CHMP4B: variants seen among roughly 807,000 people sequenced by gnomAD.
The protein encoded by CHMP4B is charged multivesicular body protein 4B.
In CHMP4B, 1 loss-of-function variant was observed where a neutral mutation model predicts 25.1. The ratio of observed to expected loss-of-function variants is 0.04; its 90% CI spans 0.01 to 0.19. The LOEUF is 0.19. Among genes scored for constraint, CHMP4B ranks in the 10% least tolerant of loss-of-function variants. The pLI is 1.00. For missense variants in CHMP4B, 151 were observed against 289.7 expected (o/e 0.52, Z 3.48); for synonymous variants, 101 against 115.6 (o/e 0.87, Z 0.81).
chr20:33,834,064 C>T (rs1488249816), intron 1 of CHMP4B, among the ~76,000 whole-genome samples: 1 of 152,100 alleles, frequency 6.6e-6, no homozygotes, highest in East Asian at 1.9e-4. Context: ...CATAATATCC[C>T]CTTTTTATCC....
intron 4 of CHMP4B, among the ~76,000 whole-genome samples, chr20:33,852,445 A>G (rs1979881196): frequency 1.6e-5 from 2 of 126,844 alleles, no homozygotes; most frequent in South Asian, 2.7e-4. Context: ...CGCTGTGGAC[A>G]TGGCCAGATA....
chr20:33,822,337 G>T (rs546888350), intron 1 of CHMP4B, among the ~76,000 whole-genome samples: 16 of 152,096 alleles, frequency 1.1e-4, no homozygotes, highest in African/African-American at 3.9e-4. Context: ...AGAGATGGGG[G>T]TTTCACCATG....
chr20:33,824,967 C>T (rs1311753394), intron 1 of CHMP4B, among the ~76,000 whole-genome samples: 6 of 152,154 alleles, frequency 3.9e-5, no homozygotes, highest in African/African-American at 7.2e-5. Context: ...AAGAGCAGGG[C>T]TGGGTGGAGC....
intron 1 of CHMP4B, among the ~76,000 whole-genome samples, chr20:33,812,173 G>T (rs78737593): frequency 0.028 from 4,309 of 152,250 alleles, 207 homozygotes; most frequent in African/African-American, 0.099. Flanking sequence ...GAGAGAAAAG[G>T]GGACTGGGGG....
chr20:33,853,696 C>G lies in CHMP4B; in HGVS notation c.*136C>G, dbSNP rs1043987582. Reference sequence around the variant, plus strand: ...CGACTCTCACTCCAAAGCAGTAGGGCCGCGTTGCTGCTCACTCTCTGCATA... The same window carrying G: ...CGACTCTCACTCCAAAGCAGTAGGGGCGCGTTGCTGCTCACTCTCTGCATA... On this transcript the variant is annotated 3_prime_UTR_variant, in exon 5 of 5. Transcript: ENST00000217402. 1 of 617,604 alleles carries G rather than the reference C, an allele frequency of 1.6e-6. No homozygotes were observed. The highest frequency in any genetic ancestry group is 2.0e-5 in the African/African-American group (1 of 50,760). 38.3% of individuals were successfully genotyped at this position (617,604 alleles called of 1,614,324 possible). A position where few individuals can be genotyped will look rare whatever the true frequency, so the allele number is the denominator to read the frequency against.
chr20:33,833,131 C>A (rs532638404), intron 1 of CHMP4B, among the ~76,000 whole-genome samples: 10 of 152,124 alleles, frequency 6.6e-5, no homozygotes, highest in Non-Finnish European at 1.2e-4. Context: ...CCCTGAACTC[C>A]ATCTTCCTCA....
At chr20:33,829,683 G>A (rs968858569) in intron 1 of CHMP4B, among the ~76,000 whole-genome samples, 10 of 152,188 alleles carry the variant, frequency 6.6e-5, no homozygotes, top group African/African-American at 1.7e-4. Context: ...ATATATGCAC[G>A]TACAGCTCTG....
chr20:33,850,432 C>T (rs1267586551), intron 2 of CHMP4B, among the ~76,000 whole-genome samples: 1 of 152,120 alleles, frequency 6.6e-6, no homozygotes, highest in East Asian at 1.9e-4. Context: ...TGTATGTTGG[C>T]TTGAGTAAAT....
intron 1 of CHMP4B, among the ~76,000 whole-genome samples, chr20:33,836,634 G>A (rs949924337): frequency 2.6e-5 from 4 of 152,048 alleles, no homozygotes; most frequent in African/African-American, 9.7e-5. Flanking sequence ...AGGACCCTCC[G>A]TGGCTCTCCA....
At chr20:33,839,501 TC>T (rs959403400) in intron 1 of CHMP4B, among the ~76,000 whole-genome samples, 1 of 152,254 alleles carries the variant, frequency 6.6e-6, no homozygotes, top group African/African-American at 2.4e-5. Context: ...TGGATTTTTA[TC>T]CCATGTGTTT....
intron 1 of CHMP4B, among the ~76,000 whole-genome samples, chr20:33,841,655 G>A (rs1307225496): frequency 1.3e-5 from 2 of 152,166 alleles, no homozygotes; most frequent in South Asian, 2.1e-4. Context: ...TGAAACTGCA[G>A]GTGTATCAAC....
chr20:33,846,592 G>T (rs1026799181), intron 1 of CHMP4B, among the ~76,000 whole-genome samples: 1 of 152,248 alleles, frequency 6.6e-6, no homozygotes, highest in African/African-American at 2.4e-5. Flanking sequence ...GAGGAGCTGT[G>T]TGCTATACGC....
chr20:33,829,851 T>A (rs1249604301), intron 1 of CHMP4B, among the ~76,000 whole-genome samples: 1 of 152,130 alleles, frequency 6.6e-6, no homozygotes, highest in Non-Finnish European at 1.5e-5. Context: ...GAACCACATC[T>A]TGGTACATGT....
In CHMP4B at chr20:33,811,499, G is replaced by A; in HGVS notation, c.31G>A (p.Gly11Arg). Residue 11 changes from glycine to arginine, a missense_variant, in exon 1 of 5, where the codon GGA becomes AGA. Gly to Arg is a moderately radical substitution (Grantham distance 125). Transcript: ENST00000217402. The part of the protein sequence containing the change: MSVFGKLFGA[G>R]GGKAGKGGPT... ...GGTGTTCGGGAAGCTGTTCGGGGCT[G>A]GAGGGGGTAAGGCCGGCAAGGGCGG... The A allele has an allele frequency of 6.3e-7, 1 of 1,593,324 alleles. No homozygotes were observed. Among genetic ancestry groups the A allele is most frequent in the Non-Finnish European group, 8.5e-7 (1 of 1,169,696 alleles).
intron 1 of CHMP4B, among the ~76,000 whole-genome samples, chr20:33,825,892 T>G (rs1326506057): frequency 6.6e-6 from 1 of 152,182 alleles, no homozygotes; most frequent in Admixed American, 6.5e-5. Context: ...CCTTCCAGGT[T>G]TAGGAGCTTG....
intron 2 of CHMP4B, among the ~76,000 whole-genome samples, chr20:33,849,125 C>T (rs549758212): frequency 1.3e-5 from 2 of 152,294 alleles, no homozygotes; most frequent in South Asian, 4.1e-4. Flanking sequence ...TTTTCTGCCT[C>T]CTCTCTTGCT....
intron 1 of CHMP4B, among the ~76,000 whole-genome samples, chr20:33,842,281 T>A (rs552373562): frequency 6.6e-6 from 1 of 152,174 alleles, no homozygotes; most frequent in East Asian, 1.9e-4. Context: ...CAGACAAGAT[T>A]GGGCATGTTC....
At position 33,848,452 on chromosome 20, in the gene CHMP4B, T is replaced by C; in HGVS notation, c.191-15T>C. 2 of 1,613,782 alleles carry C rather than the reference T, an allele frequency of 1.2e-6. No individual in the cohort carries two copies. The highest frequency in any genetic ancestry group is 1.7e-6 in the Non-Finnish European group (2 of 1,179,960). On this transcript the variant is annotated splice_polypyrimidine_tract_variant and intron_variant, in intron 1 of 4. Transcript: ENST00000217402. Reference sequence around the variant, plus strand: ...TGCCGGGACTCTCTGAAACCCTGTTTTCTCCCTCACGCAGCGGCCCTCCAG... The same window carrying C: ...TGCCGGGACTCTCTGAAACCCTGTTCTCTCCCTCACGCAGCGGCCCTCCAG...
At chr20:33,836,966 C>A (rs368004121) in intron 1 of CHMP4B, among the ~76,000 whole-genome samples, 1 of 152,170 alleles carries the variant, frequency 6.6e-6, no homozygotes, top group Non-Finnish European at 1.5e-5. Context: ...GGATTTGAAT[C>A]CTGACTCTGC....
Sources: gnomAD v4.1 joint callset for allele counts (sites outside exome capture counted in the v4.1 genomes callset) on GRCh38, gnomAD v4.1.1 for gene constraint, MANE v1.5 for transcripts, NCBI Gene and HGNC (gene_info 2026-07-23, HGNC 2026-07-21) for gene names.